The following CAMTA1 variants were observed in gnomAD, a reference collection of about 807,000 sequenced individuals.
CAMTA1 encodes the protein calmodulin-binding transcription activator 1.
A neutral mutation model predicts 170.9 loss-of-function variants in CAMTA1; 27 were observed. The observed-to-expected ratio is 0.16, with a 90% CI of 0.12 to 0.22. The LOEUF (loss-of-function observed/expected upper bound fraction) is 0.22, where lower values mean the gene tolerates loss of function less well. CAMTA1 is among the 10% of genes least tolerant of loss of function. CAMTA1 has a pLI of 1.00. For synonymous variants in CAMTA1, 833 were observed against 891.5 expected (o/e 0.93, Z 1.17); for missense variants, 1,619 against 2,217.2 (o/e 0.73, Z 5.42).
intron 4 of CAMTA1, among the ~76,000 whole-genome samples, chr1:7,177,427 C>T (rs1228661130): frequency 2.7e-5 from 4 of 149,236 alleles, no homozygotes; most frequent in Non-Finnish European, 4.5e-5. Context: ...CCTTCTCACA[C>T]ACACAAGTCC....
intron 4 of CAMTA1, among the ~76,000 whole-genome samples, chr1:7,103,433 C>A (rs374910259): frequency 6.7e-6 from 1 of 149,786 alleles, no homozygotes; most frequent in Non-Finnish European, 1.5e-5. Context: ...CACCTACACA[C>A]ACTACACACA....
intron 3 of CAMTA1, among the ~76,000 whole-genome samples, chr1:6,852,001 G>C (rs2148815082): frequency 7.2e-6 from 1 of 138,624 alleles, no homozygotes; most frequent in Non-Finnish European, 1.5e-5. Flanking sequence ...GTGAGAGTGA[G>C]ACTCTATCTC....
chr1:6,928,120 G>C (rs1683683548), intron 3 of CAMTA1, among the ~76,000 whole-genome samples: 1 of 152,186 alleles, frequency 6.6e-6, no homozygotes, highest in South Asian at 2.1e-4. Context: ...CATCTTCTTT[G>C]TGGCCGAGGG....
intron 6 of CAMTA1, among the ~76,000 whole-genome samples, chr1:7,499,147 C>T (rs139224641): frequency 0.018 from 592 of 32,522 alleles, 2 homozygotes; most frequent in South Asian, 0.022. Context: ...TGCGTGTGTA[C>T]GTATATGAGT....
At chr1:7,078,944 AG>A (rs1189324505) in intron 3 of CAMTA1, among the ~76,000 whole-genome samples, 1 of 152,224 alleles carries the variant, frequency 6.6e-6, no homozygotes, top group African/African-American at 2.4e-5. Context: ...GGCCTGGCAA[AG>A]AAAGTGCTCT....
At chr1:7,352,547 A>G (rs913912733) in intron 5 of CAMTA1, among the ~76,000 whole-genome samples, 1 of 151,982 alleles carries the variant, frequency 6.6e-6, no homozygotes, top group African/African-American at 2.4e-5. Flanking sequence ...GTCCTCACTG[A>G]TTTCCTCTCC....
chr1:7,262,107 G>A (rs1303876508), intron 5 of CAMTA1, among the ~76,000 whole-genome samples: 1 of 152,150 alleles, frequency 6.6e-6, no homozygotes, highest in Non-Finnish European at 1.5e-5. Context: ...TCAACATAAT[G>A]CCATATTAAG....
At chr1:7,670,723 T>A (rs2096053280) in intron 9 of CAMTA1, among the ~76,000 whole-genome samples, 188 bp from the exon 10 acceptor site, 1 of 152,186 alleles carries the variant, frequency 6.6e-6, no homozygotes, top group Non-Finnish European at 1.5e-5. Flanking sequence ...CTCCTCTTGC[T>A]GTAGTCCTGG....
intron 6 of CAMTA1, among the ~76,000 whole-genome samples, chr1:7,546,697 C>T (rs184624047): frequency 2.8e-4 from 43 of 152,244 alleles, no homozygotes; most frequent in Middle Eastern, 3.4e-3. Context: ...ATCACCATTC[C>T]GACTGGCATG....
chr1:7,108,625 G>C (rs72640099), intron 4 of CAMTA1, among the ~76,000 whole-genome samples: 9,240 of 152,276 alleles, frequency 0.061, 402 homozygotes, highest in Admixed American at 0.15. Context: ...AGAAAGAAGA[G>C]CATTTTAAAT....
intron 11 of CAMTA1, among the ~76,000 whole-genome samples, chr1:7,692,949 G>A (rs2096334812): frequency 6.6e-6 from 1 of 152,214 alleles, no homozygotes; most frequent in African/African-American, 2.4e-5. Context: ...TGAGAAGCCA[G>A]GGGAACCCCT....
chr1:7,443,248 A>G lies in CAMTA1; in HGVS notation c.439-24582A>G, dbSNP rs559591165. On this transcript the variant is annotated intron_variant, in intron 5 of 22. Transcript: ENST00000303635. The surrounding 1 kb of genome is among the most constrained non-coding windows in gnomAD (Gnocchi z 4.1). ...TGATCTGCATGAAGTCCATTTCCCC[A>G]CTTTCGTGGGGTACAGTCCCCTTGA... Among the ~76,000 whole-genome samples, 1 of 152,116 alleles carries G rather than the reference A, an allele frequency of 6.6e-6. No individual in the cohort carries two copies. The highest frequency in any genetic ancestry group is 2.4e-5 in the African/African-American group (1 of 41,530).
At chr1:7,155,029 C>T (rs945441413) in intron 4 of CAMTA1, among the ~76,000 whole-genome samples, 1 of 152,180 alleles carries the variant, frequency 6.6e-6, no homozygotes, top group Non-Finnish European at 1.5e-5. Flanking sequence ...AGTCTGTCCA[C>T]ACTGGGCCCT....
At chr1:7,329,378 C>T (rs147601794) in intron 5 of CAMTA1, among the ~76,000 whole-genome samples, 108 of 152,220 alleles carry the variant, frequency 7.1e-4, no homozygotes, top group African/African-American at 2.3e-3. Context: ...TAATTTAAGA[C>T]GTTTTTCATT....
Position 7,132,071 on chromosome 1 carries a change from A to G in CAMTA1, c.302+40700A>G, listed in dbSNP as rs531810672. On this transcript the variant is annotated intron_variant, in intron 4 of 22. Coordinates refer to ENST00000303635, the MANE Select transcript of CAMTA1 (RefSeq NM_015215.4). ...GTTACACACACACACACACACACAC[A>G]CGCACACACACTCCAATTTTGTTCA... Among the ~76,000 whole-genome samples, 15 of 142,624 alleles carry G rather than the reference A, an allele frequency of 1.1e-4. No homozygotes were observed. The South Asian group carries it at 1.4e-3, about 13-fold the overall frequency. 93.6% of individuals were successfully genotyped at this position (142,624 alleles called of 152,430 possible).
rs748239521 is a variant in CAMTA1 at position 7,426,949 on chromosome 1, C to G, written c.439-40881C>G. 9.9e-5 allele frequency among the ~76,000 whole-genome samples: 15 copies of G among 152,096 alleles called. No homozygotes were observed. Among genetic ancestry groups the G allele is most frequent in the Non-Finnish European group, 1.9e-4 (13 of 68,010 alleles). ...AGGCCACCAGCAAGGCCTTTTTGCT[C>G]AGCGGTGGCGTTCAGAATCGTGTTT... is the stretch of plus-strand genomic sequence containing the variant. On this transcript the variant is annotated intron_variant, in intron 5 of 22. Transcript: ENST00000303635. The surrounding 1 kb of genome is among the most constrained non-coding windows in gnomAD (Gnocchi z 4.8).
chr1:7,441,672 A>G (rs532207110), intron 5 of CAMTA1: 3 of 152,200 alleles, frequency 2.0e-5, no homozygotes, highest in Non-Finnish European at 4.4e-5. Flanking sequence ...GGACGGCTTC[A>G]AGGTTGAGTT....
Position 7,559,306 on chromosome 1 carries a change from A to C in CAMTA1, c.511-81094A>C, listed in dbSNP as rs969215681. On this transcript the variant is annotated intron_variant, in intron 6 of 22. Transcript: ENST00000303635. ...TCTCAAGGGCACACGGCCCTCCTGCACCCAGCTCTGCCCAGGGGAGGGGAG... is the reference window on the plus strand; with the variant it reads ...TCTCAAGGGCACACGGCCCTCCTGCCCCCAGCTCTGCCCAGGGGAGGGGAG... 8.7e-4 allele frequency among the ~76,000 whole-genome samples: 133 copies of C among 152,014 alleles called. 1 individual carries two copies. The highest frequency in any genetic ancestry group is 3.1e-3 in the African/African-American group (130 of 41,450).
intron 6 of CAMTA1, among the ~76,000 whole-genome samples, chr1:7,607,443 GTGGGTGGATGGATGGA>G (rs2095495158): frequency 6.7e-6 from 1 of 148,280 alleles, no homozygotes; most frequent in Non-Finnish European, 1.5e-5. Flanking sequence ...GGAATGATAG[GTGGGTGGATGGATGGA>G]TGGGTGGATG....
Sources: gnomAD v4.1 joint callset for allele counts (sites outside exome capture counted in the v4.1 genomes callset) on GRCh38, gnomAD v4.1.1 for gene constraint, Gnocchi (gnomAD v3.1) non-coding constraint, MANE v1.5 for transcripts, NCBI Gene and HGNC (gene_info 2026-07-23, HGNC 2026-07-21) for gene names.